COL24A1: variants seen among roughly 807,000 people sequenced by gnomAD.
The protein encoded by COL24A1 is collagen type XXIV alpha 1 chain, also known as collagen alpha-1(XXIV) chain.
In COL24A1, 224 loss-of-function variants were observed where a neutral mutation model predicts 253.9. The observed-to-expected ratio is 0.88, with a 90% CI of 0.79 to 0.99. COL24A1 has a LOEUF of 0.99. COL24A1 is among the 50% of genes least tolerant of loss of function. COL24A1 has a pLI of 0.00. For missense variants in COL24A1, 2,131 were observed against 2,068.5 expected (o/e 1.03, Z -0.59); for synonymous variants, 685 against 673.7 (o/e 1.02, Z -0.26).
intron 57 of COL24A1, among the ~76,000 whole-genome samples, chr1:85,740,600 G>A (rs545763680): frequency 2.0e-5 from 3 of 152,116 alleles, no homozygotes; most frequent in East Asian, 2.0e-4. Context: ...TGGGACCACA[G>A]GCACATTCCA....
At chr1:85,974,023 C>A (rs1004888819) in intron 20 of COL24A1, among the ~76,000 whole-genome samples, 6 of 152,070 alleles carry the variant, frequency 3.9e-5, no homozygotes, top group Non-Finnish European at 2.9e-5. Flanking sequence ...AGGTTATATT[C>A]ATCAAGAAGA....
intron 2 of COL24A1, among the ~76,000 whole-genome samples, chr1:86,129,153 T>A (rs976618856): frequency 6.6e-6 from 1 of 151,826 alleles, no homozygotes; most frequent in Non-Finnish European, 1.5e-5. Context: ...CCACTGCACC[T>A]TGAGACAATT....
chr1:85,954,549 TC>T (rs915521562), intron 24 of COL24A1, among the ~76,000 whole-genome samples: 1 of 152,218 alleles, frequency 6.6e-6, no homozygotes, highest in Non-Finnish European at 1.5e-5. Context: ...ATCATTATTT[TC>T]CAGGGTGTCT....
rs947785701 is a variant in COL24A1 at position 85,768,440 on chromosome 1, C to T, written c.4375-6874G>A. Among the ~76,000 whole-genome samples, 5 of 151,860 alleles carry T rather than the reference C, an allele frequency of 3.3e-5. No homozygotes were observed. The East Asian group carries it at 7.7e-4, about 23-fold the overall frequency. ...AAAAGTGGAAGAAACGACAAGAAAC[C>T]GGGAGTCCAGGAGGGATATCATGAT... On this transcript the variant is annotated intron_variant, in intron 53 of 59. Coordinates refer to ENST00000370571, the MANE Select transcript of COL24A1 (RefSeq NM_152890.7).
intron 37 of COL24A1, among the ~76,000 whole-genome samples, chr1:85,864,252 G>C (rs755177229): frequency 2.6e-5 from 4 of 152,146 alleles, no homozygotes; most frequent in Non-Finnish European, 5.9e-5. Context: ...CCTTTGTTGA[G>C]ACATGGATGA....
intron 7 of COL24A1, among the ~76,000 whole-genome samples, chr1:86,066,315 T>C (rs1360320525): frequency 2.1e-5 from 3 of 143,602 alleles, no homozygotes; most frequent in Admixed American, 7.4e-5. Context: ...CTCGGCTCAC[T>C]GCAAGCTCCG....
chr1:85,793,090 C>T (rs1367467584), intron 47 of COL24A1, among the ~76,000 whole-genome samples: 1 of 151,662 alleles, frequency 6.6e-6, no homozygotes, highest in Non-Finnish European at 1.5e-5. Context: ...TTTCAAATAA[C>T]ATTTTCTTCA....
At chr1:86,139,980 G>C (rs1029359981) in intron 2 of COL24A1, among the ~76,000 whole-genome samples, 7 of 152,016 alleles carry the variant, frequency 4.6e-5, no homozygotes, top group African/African-American at 1.7e-4. Flanking sequence ...ACTGAATTAA[G>C]GAACTAAAGG....
chr1:86,033,990 A>G, intron 12 of COL24A1, 67 bp from the exon 13 acceptor site: 1 of 1,269,708 alleles, frequency 7.9e-7, no homozygotes, highest in Non-Finnish European at 1.1e-6. Context: ...ATTTTCTAAC[A>G]AAGAATTTAG....
chr1:85,790,549 T>A (rs1670170207), intron 47 of COL24A1, among the ~76,000 whole-genome samples: 1 of 152,134 alleles, frequency 6.6e-6, no homozygotes, highest in African/African-American at 2.4e-5. Flanking sequence ...TTGGTAGAGA[T>A]CTTATATGGC....
intron 12 of COL24A1, among the ~76,000 whole-genome samples, chr1:86,040,573 G>A (rs1017852906): frequency 6.7e-6 from 1 of 148,398 alleles, no homozygotes; most frequent in African/African-American, 2.5e-5. Context: ...AATCAATTAT[G>A]TTCTGCCTGG....
intron 20 of COL24A1, among the ~76,000 whole-genome samples, chr1:85,983,005 C>T (rs1188488500): frequency 3.9e-5 from 6 of 151,920 alleles, no homozygotes; most frequent in South Asian, 2.1e-4. Flanking sequence ...GTTAGCTTAC[C>T]TCTCTACAGA....
At chr1:85,970,418 T>A in intron 21 of COL24A1, 147 bp from the exon 22 acceptor site, 1 of 806,818 alleles carries the variant, frequency 1.2e-6, no homozygotes, top group Non-Finnish European at 1.8e-6. Context: ...TACTTTGAAC[T>A]CCATCACCCC....
chr1:85,924,608 C>A (rs1412784877), intron 24 of COL24A1, among the ~76,000 whole-genome samples: 1 of 152,090 alleles, frequency 6.6e-6, no homozygotes, highest in Non-Finnish European at 1.5e-5. Flanking sequence ...AGGCCTTTGA[C>A]AAAACTCAAC....
rs75804227 is a variant in COL24A1, at chr1:86,046,687, T to G, written c.1950+138A>C. On this transcript the variant is annotated intron_variant, in intron 12 of 59. Coordinates refer to ENST00000370571, the MANE Select transcript of COL24A1 (RefSeq NM_152890.7). ...CCTCAGGTATTATTTGATACACTATTCAAGAGGCAAAAATTAAAATGGAAT... is the reference window on the plus strand; with the variant it reads ...CCTCAGGTATTATTTGATACACTATGCAAGAGGCAAAAATTAAAATGGAAT... The G allele has an allele frequency of 8.5e-4, 813 of 952,856 alleles. 10 individuals carry two copies. The East Asian group carries it at 0.018, about 21-fold the overall frequency. The allele number at this position is 952,856 out of a possible 1,614,324, so 59.0% of individuals were successfully genotyped here.
chr1:86,036,403 C>T (rs1012423733), intron 12 of COL24A1, among the ~76,000 whole-genome samples: 24 of 152,020 alleles, frequency 1.6e-4, no homozygotes, highest in Middle Eastern at 3.4e-3. Flanking sequence ...CATGTATTAT[C>T]AATTTTTGAA....
intron 47 of COL24A1, among the ~76,000 whole-genome samples, chr1:85,804,476 C>T (rs142809971): frequency 8.1e-4 from 124 of 152,214 alleles, no homozygotes; most frequent in African/African-American, 2.5e-3. Flanking sequence ...TCCATTTTCA[C>T]GCTGCTGATA....
intron 47 of COL24A1, among the ~76,000 whole-genome samples, chr1:85,789,322 T>C (rs1409674417): frequency 6.6e-6 from 1 of 152,174 alleles, no homozygotes; most frequent in Non-Finnish European, 1.5e-5. Context: ...TTTGTAGCAA[T>C]TGTGAATGGG....
In COL24A1 at chr1:85,823,579, C is replaced by T. The variant is rs192338154; in HGVS notation, c.3746G>A (p.Gly1249Asp). 1 of 1,613,984 alleles carries T rather than the reference C, an allele frequency of 6.2e-7. No homozygotes were observed. The highest frequency in any genetic ancestry group is 8.5e-7 in the Non-Finnish European group (1 of 1,179,950). The stretch of plus-strand genomic sequence containing the variant: ...TTTTAGTCCTTGTTCACCCTGGTCA[C>T]CTGGTTCGCCCTTTAGTAGAAACCA... The part of the protein sequence containing the change: ...TGQQGPPGEP[G>D]DQGEQGLKGE... The change falls in exon 45 of 60, where the codon GGT becomes GAT. Residue 1249 changes from glycine (G) to aspartate (D), a missense_variant. Gly to Asp is a moderately conservative substitution (Grantham distance 94, BLOSUM62 -1). Transcript: ENST00000370571.
Sources: allele counts gnomAD v4.1 joint callset (sites outside exome capture counted in the v4.1 genomes callset), GRCh38; gene constraint gnomAD v4.1.1; transcripts MANE v1.5; gene names NCBI Gene and HGNC (gene_info 2026-07-23, HGNC 2026-07-21).